RUNX2: variants seen among roughly 807,000 people sequenced by gnomAD.
The protein encoded by RUNX2 is RUNX family transcription factor 2.
In RUNX2, 10 loss-of-function variants were observed where a neutral mutation model predicts 51.7. That is an observed-to-expected ratio of 0.19 (90% confidence interval 0.12 to 0.33). The LOEUF (loss-of-function observed/expected upper bound fraction) is 0.33. RUNX2 is among the 10% of genes least tolerant of loss of function. RUNX2 has a pLI of 1.00. For synonymous variants in RUNX2, 276 were observed against 273.6 expected (o/e 1.01, Z -0.09); for missense variants, 562 against 691.3 (o/e 0.81, Z 2.10).
Position 45,448,058 on chromosome 6 carries a change from C to T in RUNX2, c.685+10007C>T, listed in dbSNP as rs1489062066. ...AATGGAACACAGGACAGATAATATT[C>T]ATGAAAGATGGTGGAAGGGAAATGT... On this transcript the variant is annotated intron_variant, in intron 5 of 8. Transcript: ENST00000647337. 2.6e-5 allele frequency among the ~76,000 whole-genome samples: 4 copies of T among 152,176 alleles called. No individual in the cohort carries two copies. In the South Asian group the frequency reaches 8.3e-4, roughly 31 times the overall value.
intron 2 of RUNX2, among the ~76,000 whole-genome samples, chr6:45,420,097 C>G (rs182556581): frequency 6.6e-6 from 1 of 152,060 alleles, no homozygotes; most frequent in Non-Finnish European, 1.5e-5. Context: ...CCCCTGAACT[C>G]CATCCTTACC....
intron 2 of RUNX2, among the ~76,000 whole-genome samples, chr6:45,411,595 T>C (rs968735439): frequency 2.0e-5 from 3 of 152,214 alleles, no homozygotes; most frequent in African/African-American, 7.2e-5. Context: ...TCTTATTTTT[T>C]ATTTGTTGCA....
chr6:45,459,468 A>G lies in RUNX2; in HGVS notation c.685+21417A>G, dbSNP rs75022788. 3.9e-5 allele frequency among the ~76,000 whole-genome samples: 6 copies of G among 152,336 alleles called. No individual in the cohort carries two copies. The East Asian group carries it at 1.2e-3, about 29-fold the overall frequency. On this transcript the variant is annotated intron_variant, in intron 5 of 8. Coordinates refer to ENST00000647337, the MANE Select transcript of RUNX2 (RefSeq NM_001024630.4). Reference sequence around the variant, plus strand: ...CACACAAGTTTGGAATATAAGGCACAAAGTTTTACTTTGGAAGAATTAAAA... The same window carrying G: ...CACACAAGTTTGGAATATAAGGCACGAAGTTTTACTTTGGAAGAATTAAAA...
intron 7 of RUNX2, among the ~76,000 whole-genome samples, chr6:45,543,584 C>G (rs192176645): frequency 4.6e-5 from 7 of 152,254 alleles, no homozygotes; most frequent in African/African-American, 1.4e-4. Context: ...GCTTTTAGAA[C>G]TCTAGGCCTT....
At chr6:45,386,643 T>G (rs1308439806) in intron 2 of RUNX2, among the ~76,000 whole-genome samples, 1 of 152,224 alleles carries the variant, frequency 6.6e-6, no homozygotes, top group Non-Finnish European at 1.5e-5. Flanking sequence ...TGGGTTTTTT[T>G]GTCATTATTG....
At chr6:45,546,730 A>T (rs931918505) in intron 8 of RUNX2, 97 bp from the exon 9 acceptor site, 1 of 1,088,636 alleles carries the variant, frequency 9.2e-7, no homozygotes, top group Admixed American at 1.8e-5. Context: ...TTTATGGGAA[A>T]GCTAAAGTTT....
intron 5 of RUNX2, among the ~76,000 whole-genome samples, chr6:45,481,927 A>G (rs1800128401): frequency 6.6e-6 from 1 of 152,242 alleles, no homozygotes; most frequent in Non-Finnish European, 1.5e-5. Flanking sequence ...GAAAAATCCT[A>G]ATTCATATAA....
At chr6:45,479,957 G>T (rs754225980) in intron 5 of RUNX2, among the ~76,000 whole-genome samples, 1 of 152,148 alleles carries the variant, frequency 6.6e-6, no homozygotes, top group Non-Finnish European at 1.5e-5. Flanking sequence ...GGCACCTTTA[G>T]TGACAGAGTG....
At chr6:45,511,401 T>C (rs905599301) in intron 6 of RUNX2, among the ~76,000 whole-genome samples, 5 of 152,198 alleles carry the variant, frequency 3.3e-5, no homozygotes, top group Non-Finnish European at 5.9e-5. Flanking sequence ...CAGATTCCAG[T>C]AGGATTAAAA....
intron 7 of RUNX2, among the ~76,000 whole-genome samples, chr6:45,534,285 A>G (rs769360288): frequency 1.3e-5 from 2 of 152,048 alleles, no homozygotes; most frequent in Non-Finnish European, 2.9e-5. Flanking sequence ...TGGAAACCCA[A>G]CGCGTTCACT....
intron 2 of RUNX2, among the ~76,000 whole-genome samples, chr6:45,403,118 A>G (rs1021202697): frequency 5.9e-5 from 9 of 151,922 alleles, no homozygotes; most frequent in Admixed American, 5.9e-4. Flanking sequence ...AGTTCATTAC[A>G]TTAAGTTTGT....
intron 2 of RUNX2, among the ~76,000 whole-genome samples, chr6:45,386,259 G>T (rs1268782428): frequency 6.6e-6 from 1 of 151,968 alleles, no homozygotes; most frequent in Non-Finnish European, 1.5e-5. Context: ...TAGAGATGGG[G>T]TTTCTCCATA....
At chr6:45,423,884 G>A (rs1213313217) in intron 3 of RUNX2, among the ~76,000 whole-genome samples, 1 of 152,372 alleles carries the variant, frequency 6.6e-6, no homozygotes, top group Admixed American at 6.5e-5. Context: ...TCTTCCAGCC[G>A]GGACCGAGCT....
chr6:45,446,737 T>C (rs190485443), intron 5 of RUNX2, among the ~76,000 whole-genome samples: 3 of 152,340 alleles, frequency 2.0e-5, no homozygotes, highest in African/African-American at 7.2e-5. Flanking sequence ...ACATTTATGA[T>C]GTCAACTAAA....
rs1054803019 is a variant in RUNX2 at position 45,397,264 on chromosome 6, C to T, written c.59-25329C>T. 3.3e-5 allele frequency among the ~76,000 whole-genome samples: 5 copies of T among 151,860 alleles called. No individual in the cohort carries two copies. The East Asian group carries it at 5.8e-4, about 18-fold the overall frequency. On this transcript the variant is annotated intron_variant, in intron 2 of 8. Transcript: ENST00000647337. The stretch of plus-strand genomic sequence containing the variant: ...GACTACAGGGGCCCACCACCACGTC[C>T]GGCTAATTTTTTCTACTTTTTTTTT...
chr6:45,485,697 G>C (rs7756472), intron 5 of RUNX2, among the ~76,000 whole-genome samples: 1 of 104,034 alleles, frequency 9.6e-6, no homozygotes, highest in Non-Finnish European at 1.9e-5. Context: ...GTGTGTGTGT[G>C]TATATATATA....
At chr6:45,358,118 G>T (rs772131941) in intron 2 of RUNX2, among the ~76,000 whole-genome samples, 8 of 152,036 alleles carry the variant, frequency 5.3e-5, no homozygotes, top group African/African-American at 1.2e-4. Flanking sequence ...ATCAATGACC[G>T]TGTTAAAATC....
intron 2 of RUNX2, among the ~76,000 whole-genome samples, chr6:45,365,585 A>G (rs995358717): frequency 6.0e-5 from 9 of 150,684 alleles, no homozygotes; most frequent in Non-Finnish European, 1.0e-4. Context: ...ATTTATTAAC[A>G]TATTTTACTA....
chr6:45,533,611 A>G (rs1479604636), intron 7 of RUNX2, among the ~76,000 whole-genome samples: 1 of 152,182 alleles, frequency 6.6e-6, no homozygotes, highest in Non-Finnish European at 1.5e-5. Flanking sequence ...TTACTACAAC[A>G]CTACATTTGG....
Sources: gnomAD v4.1 joint callset for allele counts (sites outside exome capture counted in the v4.1 genomes callset) on GRCh38, gnomAD v4.1.1 for gene constraint, MANE v1.5 for transcripts, NCBI Gene and HGNC (gene_info 2026-07-23, HGNC 2026-07-21) for gene names.